THRB: variants seen among roughly 807,000 people sequenced by gnomAD.
THRB encodes thyroid hormone receptor beta, also known as nuclear receptor subfamily 1 group A member 2.
In THRB, 12 loss-of-function variants were observed where a neutral mutation model predicts 47.8. The observed-to-expected ratio is 0.25, with a 90% CI of 0.16 to 0.41. THRB has a LOEUF of 0.41. Among genes scored for constraint, THRB ranks in the 10% least tolerant of loss-of-function variants. The probability of loss-of-function intolerance (pLI) is 1.00; values close to 1 mark genes in which losing one functional copy is unlikely to be tolerated. For synonymous variants in THRB, 218 were observed against 212.2 expected, an observed-to-expected ratio of 1.03 and a Z score of -0.24; for missense variants, 348 against 589.2, an observed-to-expected ratio of 0.59 and a Z score of 4.24.
At chr3:24,283,710 T>C (rs1232146560) in intron 3 of THRB, among the ~76,000 whole-genome samples, 1 of 149,732 alleles carries the variant, frequency 6.7e-6, no homozygotes, top group Non-Finnish European at 1.5e-5. Context: ...AAAATCTCCT[T>C]AAGCTGATAA....
At chr3:24,202,292 G>T (rs1042279636) in intron 4 of THRB, among the ~76,000 whole-genome samples, 10 of 152,094 alleles carry the variant, frequency 6.6e-5, no homozygotes, top group African/African-American at 2.2e-4. Flanking sequence ...ATACGTTTTT[G>T]GTATACAACA....
intron 1 of THRB, among the ~76,000 whole-genome samples, chr3:24,349,987 G>A (rs1167799961): frequency 1.4e-4 from 22 of 151,744 alleles, no homozygotes; most frequent in Admixed American, 1.4e-3. Flanking sequence ...GACTTACAAA[G>A]GAATCATATT....
chr3:24,358,920 T>C (rs1452550357), intron 1 of THRB, among the ~76,000 whole-genome samples: 1 of 152,172 alleles, frequency 6.6e-6, no homozygotes, highest in East Asian at 1.9e-4. Flanking sequence ...GAATGTTCTT[T>C]ATGCTCTCAC....
intron 5 of THRB, among the ~76,000 whole-genome samples, chr3:24,168,745 T>G (rs1027845686): frequency 2.6e-5 from 4 of 151,632 alleles, no homozygotes; most frequent in Non-Finnish European, 5.9e-5. Context: ...TTCTTAGCAA[T>G]TTACCCTCCA....
chr3:24,193,972 T>C (rs1221584600), intron 4 of THRB, among the ~76,000 whole-genome samples: 2 of 152,236 alleles, frequency 1.3e-5, no homozygotes, highest in Non-Finnish European at 2.9e-5. Flanking sequence ...ATGACATTCA[T>C]AGCAACCTGG....
At chr3:24,284,883 T>C (rs1309387357) in intron 3 of THRB, among the ~76,000 whole-genome samples, 2 of 152,132 alleles carry the variant, frequency 1.3e-5, no homozygotes, top group East Asian at 1.9e-4. Flanking sequence ...CACAAAGAGA[T>C]ACCATTTCAC....
intron 1 of THRB, among the ~76,000 whole-genome samples, chr3:24,461,607 T>C (rs947791106): frequency 1.3e-5 from 2 of 152,232 alleles, no homozygotes; most frequent in African/African-American, 4.8e-5. Flanking sequence ...CTTAACAGAT[T>C]TGTTCTTTAA....
chr3:24,370,015 A>G (rs1421893926), intron 1 of THRB, among the ~76,000 whole-genome samples: 3 of 152,158 alleles, frequency 2.0e-5, no homozygotes, highest in Non-Finnish European at 2.9e-5. Context: ...TTATTAAAAG[A>G]TAAGTATTAA....
At chr3:24,494,102 G>A in intron 1 of THRB, 1 of 152,874 alleles carries the variant, frequency 6.5e-6, no homozygotes, top group Non-Finnish European at 1.5e-5. Context: ...CCAGGCACCG[G>A]CCACGGCGCA....
chr3:24,440,113 T>C (rs2071385676), intron 1 of THRB, among the ~76,000 whole-genome samples: 1 of 152,242 alleles, frequency 6.6e-6, no homozygotes, highest in African/African-American at 2.4e-5. Flanking sequence ...GCATGTGCTG[T>C]CTGTCTCACC....
In THRB at chr3:24,183,349, TC is replaced by T. The variant is rs1559534676; in HGVS notation, c.283+6724del. Among the ~76,000 whole-genome samples, 423 of 142,520 alleles carry T rather than the reference TC, an allele frequency of 3.0e-3. 6 individuals are homozygous for T. The highest frequency in any genetic ancestry group is 0.01 in the African/African-American group (394 of 38,514). The allele number at this position is 142,520 out of a possible 152,430, so 93.5% of individuals were successfully genotyped here. A position where few individuals can be genotyped will look rare whatever the true frequency, so the allele number is the denominator to read the frequency against. On this transcript the variant is annotated intron_variant, in intron 5 of 10. Coordinates refer to ENST00000646209, the MANE Select transcript of THRB (RefSeq NM_001354712.2). Reference sequence around the variant, plus strand: ...TTATCTTTCATCTTTTTTCTTTTCTTCTTTTTCTTTTTTCTTTTCTTTTTTT... The same window carrying T: ...TTATCTTTCATCTTTTTTCTTTTCTTTTTTTCTTTTTTCTTTTCTTTTTTT...
intron 4 of THRB, among the ~76,000 whole-genome samples, chr3:24,206,830 C>T (rs553538974): frequency 6.6e-6 from 1 of 152,246 alleles, no homozygotes; most frequent in East Asian, 1.9e-4. Context: ...CCACCCATCC[C>T]ACAGAAATAC....
At chr3:24,127,058 G>A (rs950861497) in intron 10 of THRB, among the ~76,000 whole-genome samples, 1 of 152,184 alleles carries the variant, frequency 6.6e-6, no homozygotes, top group East Asian at 1.9e-4. Flanking sequence ...GTGCTATTTA[G>A]CAACAGATAA....
At chr3:24,414,497 A>C (rs978069083) in intron 1 of THRB, among the ~76,000 whole-genome samples, 1 of 151,896 alleles carries the variant, frequency 6.6e-6, no homozygotes, top group African/African-American at 2.4e-5. Context: ...CAGGCCAAAA[A>C]AAAAGTTAAG....
intron 1 of THRB, among the ~76,000 whole-genome samples, chr3:24,438,506 G>GGTAGGGGTGTGT (rs1553760716): frequency 2.1e-5 from 3 of 145,856 alleles, no homozygotes; most frequent in East Asian, 4.0e-4. Context: ...AGAACAAAAA[G>GGTAGGGGTGTGT]GTGTGTGTGT....
chr3:24,378,315 T>G (rs1372684224), intron 1 of THRB, among the ~76,000 whole-genome samples: 2 of 152,228 alleles, frequency 1.3e-5, no homozygotes, highest in African/African-American at 4.8e-5. Flanking sequence ...AAAATTATAT[T>G]TGCTCATCAT....
intron 5 of THRB, among the ~76,000 whole-genome samples, chr3:24,175,520 T>G (rs956505445): frequency 2.0e-5 from 3 of 152,146 alleles, no homozygotes; most frequent in African/African-American, 7.2e-5. Context: ...GTGAACAGAA[T>G]AGTATTCGTA....
chr3:24,362,979 A>C (rs1233631529), intron 1 of THRB, among the ~76,000 whole-genome samples: 2 of 152,192 alleles, frequency 1.3e-5, no homozygotes, highest in Non-Finnish European at 2.9e-5. Context: ...GGACTAGGAC[A>C]ATTACTGGGA....
chr3:24,209,161 C>A (rs571052452), intron 4 of THRB, among the ~76,000 whole-genome samples: 1 of 152,206 alleles, frequency 6.6e-6, no homozygotes, highest in South Asian at 2.1e-4. Flanking sequence ...GTTAGAATGG[C>A]GATCATTAAA....
Sources: gnomAD v4.1 joint callset for allele counts (sites outside exome capture counted in the v4.1 genomes callset) on GRCh38, gnomAD v4.1.1 for gene constraint, MANE v1.5 for transcripts, NCBI Gene and HGNC (gene_info 2026-07-23, HGNC 2026-07-21) for gene names.